SSH2: variants seen among roughly 807,000 people sequenced by gnomAD.
The protein encoded by SSH2 is slingshot protein phosphatase 2.
A neutral mutation model predicts 135.2 loss-of-function variants in SSH2; 37 were observed. The observed-to-expected ratio is 0.27, with a 90% CI of 0.21 to 0.36. The LOEUF (loss-of-function observed/expected upper bound fraction) is 0.36, where lower values mean the gene tolerates loss of function less well. SSH2 is among the 10% of genes least tolerant of loss of function. The pLI, the probability that SSH2 is intolerant of heterozygous loss-of-function variation, is 1.00. For synonymous variants in SSH2, 628 were observed against 646.2 expected (o/e 0.97, Z 0.43); for missense variants, 1,408 against 1,765.3 (o/e 0.80, Z 3.63).
chr17:29,909,412 CTTAA>C (rs959029068), intron 1 of SSH2, among the ~76,000 whole-genome samples: 65 of 151,780 alleles, frequency 4.3e-4, no homozygotes, highest in South Asian at 6.2e-4. Flanking sequence ...AGTAGCTGAA[CTTAA>C]TTAACTTTAA....
intron 3 of SSH2, among the ~76,000 whole-genome samples, chr17:29,707,826 C>T (rs536920149): frequency 4.6e-5 from 7 of 152,020 alleles, no homozygotes; most frequent in African/African-American, 1.4e-4. Context: ...ATGCCCAACC[C>T]GAGACTACTA....
intron 3 of SSH2, chr17:29,761,132 G>A (rs1338383858): frequency 5.4e-6 from 7 of 1,288,552 alleles, no homozygotes; most frequent in African/African-American, 4.6e-5. Context: ...GGAGGCGGAG[G>A]GCGCGCGGCG....
At chr17:29,641,979 A>G (rs1007942890) in intron 14 of SSH2, among the ~76,000 whole-genome samples, 1 of 150,402 alleles carries the variant, frequency 6.6e-6, no homozygotes. Flanking sequence ...CAGGAGTTAT[A>G]GTAAAATCAG....
intron 3 of SSH2, among the ~76,000 whole-genome samples, chr17:29,747,795 T>C (rs1316193170): frequency 6.6e-6 from 1 of 152,160 alleles, no homozygotes; most frequent in African/African-American, 2.4e-5. Context: ...ATATGGTAGA[T>C]TAAGAGGACT....
At chr17:29,857,647 GTAAT>G (rs1441704147) in intron 1 of SSH2, among the ~76,000 whole-genome samples, 1 of 152,022 alleles carries the variant, frequency 6.6e-6, no homozygotes, top group Non-Finnish European at 1.5e-5. Context: ...CCACACCCAG[GTAAT>G]TTTTAAAATT....
intron 3 of SSH2, among the ~76,000 whole-genome samples, chr17:29,704,195 G>C (rs2151128620): frequency 6.6e-6 from 1 of 152,250 alleles, no homozygotes; most frequent in African/African-American, 2.4e-5. Context: ...ACAATATTTA[G>C]CTACTAGTAA....
At chr17:29,848,600 C>G (rs1402080213) in intron 2 of SSH2, among the ~76,000 whole-genome samples, 9 of 152,118 alleles carry the variant, frequency 5.9e-5, no homozygotes, top group Admixed American at 5.9e-4. Context: ...TTCCAAGATG[C>G]CACATTTTTT....
chr17:29,708,472 C>A (rs1266195146), intron 3 of SSH2, among the ~76,000 whole-genome samples: 1 of 151,836 alleles, frequency 6.6e-6, no homozygotes. Flanking sequence ...TGCCTGTAAT[C>A]CCAGCTGCTA....
chr17:29,691,236 T>G (rs544331265), intron 5 of SSH2, among the ~76,000 whole-genome samples: 2 of 152,162 alleles, frequency 1.3e-5, no homozygotes, highest in East Asian at 3.8e-4. Flanking sequence ...AAAAAAGACC[T>G]CTTTGTACCT....
intron 3 of SSH2, among the ~76,000 whole-genome samples, chr17:29,741,937 T>TTC (rs1555625042): frequency 1.4e-5 from 2 of 139,296 alleles, no homozygotes; most frequent in African/African-American, 5.5e-5. Flanking sequence ...TTTTTTTCTT[T>TTC]TTTTTTTTTT....
intron 1 of SSH2, among the ~76,000 whole-genome samples, chr17:29,913,347 A>AAAAAAAAAAAAAATTATATATATAT: frequency 1.0e-4 from 3 of 28,786 alleles, no homozygotes; most frequent in Non-Finnish European, 1.8e-4. Flanking sequence ...AAAAAAAAAA[A>AAAAAAAAAAAAAATTATATATATAT]ATATATATAT....
intron 1 of SSH2, among the ~76,000 whole-genome samples, chr17:29,923,838 G>A (rs1167596146): frequency 6.6e-6 from 1 of 151,470 alleles, no homozygotes. Flanking sequence ...CCCAGGAGGC[G>A]GAGGTTGCAG....
At chr17:29,889,403 G>A (rs572458249) in intron 1 of SSH2, among the ~76,000 whole-genome samples, 45 of 152,134 alleles carry the variant, frequency 3.0e-4, no homozygotes, top group African/African-American at 9.9e-4. Flanking sequence ...CTGATATTGC[G>A]CCACTGCACT....
In SSH2 at chr17:29,783,979, T is replaced by C. The variant is rs1427997763; in HGVS notation, c.188+9915A>G. ...TACTTGGGAGGCTGAGGCAGGAGAA[T>C]GGCGTGAACCCGGGAGGCGGAGCTT... On this transcript the variant is annotated intron_variant, in intron 3 of 15. Coordinates refer to ENST00000540801, the MANE Select transcript of SSH2 (RefSeq NM_001282129.2). Among the ~76,000 whole-genome samples the C allele has an allele frequency of 1.2e-3, 152 of 127,104 alleles. 2 individuals carry two copies. The highest frequency in any genetic ancestry group is 4.3e-3 in the African/African-American group (142 of 32,832). 83.4% of individuals were successfully genotyped at this position (127,104 alleles called of 152,430 possible). A position where few individuals can be genotyped will look rare whatever the true frequency, so the allele number is the denominator to read the frequency against.
intron 1 of SSH2, among the ~76,000 whole-genome samples, chr17:29,871,629 A>G (rs943929570): frequency 6.6e-6 from 1 of 152,214 alleles, no homozygotes; most frequent in Non-Finnish European, 1.5e-5. Context: ...AAAAATAAAC[A>G]TGCCCTACTT....
intron 3 of SSH2, among the ~76,000 whole-genome samples, chr17:29,723,942 C>A (rs1598880483): frequency 6.6e-6 from 1 of 152,172 alleles, no homozygotes; most frequent in East Asian, 1.9e-4. Context: ...CATACATCTA[C>A]CTTCTGGGCA....
chr17:29,724,536 AAAAAAAAAAAC>A (rs1393825919), intron 3 of SSH2, among the ~76,000 whole-genome samples: 2 of 149,786 alleles, frequency 1.3e-5, no homozygotes, highest in Non-Finnish European at 3.0e-5. Flanking sequence ...CTCAAAAAAA[AAAAAAAAAAAC>A]AAAACCCTAT....
intron 1 of SSH2, among the ~76,000 whole-genome samples, chr17:29,913,345 A>ATTATATAT (rs1463500620): frequency 1.1e-4 from 4 of 37,516 alleles, no homozygotes; most frequent in South Asian, 2.3e-3. Flanking sequence ...AAAAAAAAAA[A>ATTATATAT]AAATATATAT....
intron 3 of SSH2, among the ~76,000 whole-genome samples, chr17:29,766,348 T>C (rs1225003914): frequency 1.2e-4 from 18 of 149,530 alleles, no homozygotes; most frequent in Admixed American, 1.2e-3. Flanking sequence ...ATAAAAATAA[T>C]GCAGGAGGCT....
Sources: allele counts gnomAD v4.1 joint callset (sites outside exome capture counted in the v4.1 genomes callset), GRCh38; gene constraint gnomAD v4.1.1; transcripts MANE v1.5; gene names NCBI Gene and HGNC (gene_info 2026-07-23, HGNC 2026-07-21).